PRKCH: variants seen among roughly 807,000 people sequenced by gnomAD.
PRKCH encodes protein kinase C eta, also known as protein kinase C eta type.
A neutral mutation model predicts 82.5 loss-of-function variants in PRKCH; 28 were observed. The observed-to-expected ratio is 0.34, with a 90% confidence interval of 0.25 to 0.47. The LOEUF is 0.47. Among genes scored for constraint, PRKCH ranks in the 20% least tolerant of loss-of-function variants. The probability of loss-of-function intolerance (pLI) is 1.00; values close to 1 mark genes in which losing one functional copy is unlikely to be tolerated. For missense variants in PRKCH, 705 were observed against 881.8 expected, an observed-to-expected ratio of 0.80 and a Z score of 2.54; for synonymous variants, 322 against 327.4, an observed-to-expected ratio of 0.98 and a Z score of 0.18.
upstream of PRKCH, among the ~76,000 whole-genome samples, chr14:61,317,034 T>C (rs941940885): frequency 2.6e-5 from 4 of 152,128 alleles, no homozygotes; most frequent in Non-Finnish European, 4.4e-5. Flanking sequence ...CCTGTAGCCT[T>C]TTGGGGTTTA....
chr14:61,391,394 G>T, intron 2 of PRKCH, 106 bp downstream of exon 2: 1 of 1,003,806 alleles, frequency 1.0e-6, no homozygotes, highest in Non-Finnish European at 1.4e-6. Context: ...TGTAAGAGAT[G>T]CTTAAAAAAT....
chr14:61,432,949 A>G (rs943843231), intron 2 of PRKCH, among the ~76,000 whole-genome samples: 1 of 142,768 alleles, frequency 7.0e-6, no homozygotes, highest in African/African-American at 2.6e-5. Context: ...TGCAGAGCGT[A>G]CAGGTTTGTT....
At chr14:61,277,347 G>A (rs1211727492) in intron 1 of PRKCH, 1 of 151,900 alleles carries the variant, frequency 6.6e-6, no homozygotes, top group Non-Finnish European at 1.5e-5. Context: ...TATTGTTTTA[G>A]GAGCTCTCAC....
At chr14:61,409,034 G>A (rs759272651) in intron 2 of PRKCH, among the ~76,000 whole-genome samples, 7 of 152,300 alleles carry the variant, frequency 4.6e-5, no homozygotes, top group Non-Finnish European at 8.8e-5. Context: ...TAGGCCACAG[G>A]GAATATGTTG....
At chr14:61,472,283 G>A (rs1355922998) in intron 9 of PRKCH, among the ~76,000 whole-genome samples, 1 of 152,220 alleles carries the variant, frequency 6.6e-6, no homozygotes, top group Non-Finnish European at 1.5e-5. Context: ...TACAAATACT[G>A]CAGCTTGTCT....
rs188859602 is a variant in PRKCH, at chr14:61,210,821, C to T, written c.-19+23153C>T. 3.2e-3 allele frequency among the ~76,000 whole-genome samples: 487 copies of T among 150,322 alleles called. 3 individuals carry two copies. Among genetic ancestry groups the T allele is most frequent in the African/African-American group, 0.01 (428 of 40,828 alleles). On this transcript the variant is annotated intron_variant, in intron 1 of 3. Coordinates refer to the PRKCH transcript ENST00000555185. Reference sequence around the variant, plus strand: ...GTGTGTGTGTGTGTGTGTGCGTGCACGCGTGCATTCCATATTGCCTGGGTT... The same window carrying T: ...GTGTGTGTGTGTGTGTGTGCGTGCATGCGTGCATTCCATATTGCCTGGGTT...
intron 1 of PRKCH, among the ~76,000 whole-genome samples, chr14:61,362,211 G>A (rs2046233643): frequency 6.6e-6 from 1 of 151,974 alleles, no homozygotes; most frequent in East Asian, 1.9e-4. Context: ...GTGGTGCTAT[G>A]TACCTGTAGT....
At chr14:61,427,119 G>C (rs1156530683) in intron 2 of PRKCH, among the ~76,000 whole-genome samples, 1 of 152,166 alleles carries the variant, frequency 6.6e-6, no homozygotes, top group Non-Finnish European at 1.5e-5. Flanking sequence ...GGTATACATT[G>C]GTTTGGTCTG....
intron 1 of PRKCH, among the ~76,000 whole-genome samples, chr14:61,190,396 G>A (rs1311739328): frequency 6.6e-6 from 1 of 152,134 alleles, no homozygotes; most frequent in Non-Finnish European, 1.5e-5. Flanking sequence ...CCGAACATCT[G>A]TATCAACCTT....
At chr14:61,453,502 C>A in intron 7 of PRKCH, 149 bp downstream of exon 7, 1 of 785,790 alleles carries the variant, frequency 1.3e-6, no homozygotes, top group Non-Finnish European at 1.8e-6. Flanking sequence ...CTTTCTCTTT[C>A]TTTCTTTCTT....
chr14:61,318,296 G>T (rs569837953), upstream of PRKCH, among the ~76,000 whole-genome samples: 12 of 151,560 alleles, frequency 7.9e-5, 1 homozygote, highest in East Asian at 2.1e-3. Context: ...CTGCTCTCTA[G>T]GCTCAAGTGA....
intron 1 of PRKCH, among the ~76,000 whole-genome samples, chr14:61,308,829 A>C (rs1433887659): frequency 6.7e-6 from 1 of 149,866 alleles, no homozygotes; most frequent in Non-Finnish European, 1.5e-5. Context: ...GAGTCTCACT[A>C]TGTTGCCCAG....
At chr14:61,494,071 T>C (rs150618130) in intron 10 of PRKCH, among the ~76,000 whole-genome samples, 234 of 152,204 alleles carry the variant, frequency 1.5e-3, no homozygotes, top group African/African-American at 5.5e-3. Flanking sequence ...GACAGGTGCC[T>C]GAGGTATACT....
chr14:61,400,453 G>T (rs1881548793), intron 2 of PRKCH, among the ~76,000 whole-genome samples: 1 of 152,150 alleles, frequency 6.6e-6, no homozygotes, highest in Non-Finnish European at 1.5e-5. Flanking sequence ...TTTTTTGCTG[G>T]TCTAAGCAAT....
rs561313009 is a variant in PRKCH, at chr14:61,472,176, A to C, written c.1279-13326A>C. 1.4e-4 allele frequency among the ~76,000 whole-genome samples: 22 copies of C among 152,322 alleles called. 2 individuals are homozygous for C. The South Asian group carries it at 4.6e-3, about 32-fold the overall frequency. On this transcript the variant is annotated intron_variant, in intron 9 of 13. Transcript: ENST00000332981. ...TCTCAACAGTGAAGCCTGCTGCTCG[A>C]TAAGGCATTATTATCAGAGCCTGGG...
At chr14:61,425,404 C>G (rs1254989050) in intron 2 of PRKCH, among the ~76,000 whole-genome samples, 1 of 152,238 alleles carries the variant, frequency 6.6e-6, no homozygotes, top group African/African-American at 2.4e-5. Context: ...AGATGTGAGA[C>G]ATGGAGTCAA....
intron 1 of PRKCH, among the ~76,000 whole-genome samples, chr14:61,389,036 T>C (rs2046632255): frequency 6.6e-6 from 1 of 152,190 alleles, no homozygotes; most frequent in South Asian, 2.1e-4. Flanking sequence ...GGCTTTGTCA[T>C]GGGTAGATAC....
At chr14:61,359,549 A>G (rs1297744111) in intron 1 of PRKCH, among the ~76,000 whole-genome samples, 1 of 152,212 alleles carries the variant, frequency 6.6e-6, no homozygotes, top group African/African-American at 2.4e-5. Flanking sequence ...GGAGTGTCAT[A>G]CCACCATGGA....
chr14:61,201,112 G>A (rs1027542778), intron 1 of PRKCH, among the ~76,000 whole-genome samples: 2 of 152,166 alleles, frequency 1.3e-5, no homozygotes, highest in South Asian at 2.1e-4. Flanking sequence ...TATTCTTAGC[G>A]TGATGCAAGT....
Sources: allele counts gnomAD v4.1 joint callset (sites outside exome capture counted in the v4.1 genomes callset), GRCh38; gene constraint gnomAD v4.1.1; transcripts MANE v1.5; gene names NCBI Gene and HGNC (gene_info 2026-07-23, HGNC 2026-07-21).